The following PLCH2 variants were observed in gnomAD, a reference collection of about 807,000 sequenced individuals.
PLCH2 encodes phospholipase C eta 2, also known as 1-phosphatidylinositol 4,5-bisphosphate phosphodiesterase eta-2.
A neutral mutation model predicts 134.7 loss-of-function variants in PLCH2; 98 were observed. That is an observed-to-expected ratio of 0.73 (90% CI 0.62 to 0.86). The LOEUF (loss-of-function observed/expected upper bound fraction) is 0.86, where lower values mean the gene tolerates loss of function less well. PLCH2 is among the 40% of genes least tolerant of loss of function. The pLI, the probability that PLCH2 is intolerant of heterozygous loss-of-function variation, is 0.00. For missense variants in PLCH2, 1,994 were observed against 1,986.6 expected, an observed-to-expected ratio of 1.00 and a Z score of -0.07; for synonymous variants, 974 against 827.5, an observed-to-expected ratio of 1.18 and a Z score of -3.04.
At chr1:2,481,441 G>A (rs543552728) in intron 4 of PLCH2, among the ~76,000 whole-genome samples, 2 of 152,274 alleles carry the variant, frequency 1.3e-5, no homozygotes, top group African/African-American at 2.4e-5. Context: ...CTCAGGGGCA[G>A]CTCTGGGGCC....
chr1:2,426,334 G>A (rs566863632), intron 1 of PLCH2, among the ~76,000 whole-genome samples: 1 of 152,350 alleles, frequency 6.6e-6, no homozygotes, highest in East Asian at 1.9e-4. Context: ...CAAGCACCCC[G>A]TTCTGATCTT....
At chr1:2,484,201 G>T (rs1252794929) in intron 4 of PLCH2, among the ~76,000 whole-genome samples, 1 of 152,128 alleles carries the variant, frequency 6.6e-6, no homozygotes, top group Non-Finnish European at 1.5e-5. Context: ...GGAGGTGGCT[G>T]TGGGTTGAAG....
At chr1:2,503,749 C>T (rs1033934626) in intron 21 of PLCH2, 173 bp from the exon 22 acceptor site, 5 of 617,228 alleles carry the variant, frequency 8.1e-6, no homozygotes, top group African/African-American at 1.8e-5. Context: ...GTGGGGACAC[C>T]GAGTGTGCCG....
At chr1:2,469,918 G>C (rs1366846303) in intron 1 of PLCH2, among the ~76,000 whole-genome samples, 1 of 152,214 alleles carries the variant, frequency 6.6e-6, no homozygotes, top group Non-Finnish European at 1.5e-5. Context: ...CCCGAGAGGG[G>C]GCCTTGTGGC....
At chr1:2,425,095 G>A (rs1263283206), upstream of PLCH2, among the ~76,000 whole-genome samples, 10 of 151,698 alleles carry the variant, frequency 6.6e-5, no homozygotes, top group African/African-American at 1.9e-4. Context: ...CCCAGGAGGC[G>A]GAGGCTGCAG....
intron 1 of PLCH2, among the ~76,000 whole-genome samples, chr1:2,428,341 C>T (rs1277974658): frequency 1.3e-5 from 2 of 152,232 alleles, no homozygotes; most frequent in Admixed American, 1.3e-4. Flanking sequence ...GCCAGTGCTC[C>T]TCTGACCTGT....
intron 1 of PLCH2, among the ~76,000 whole-genome samples, chr1:2,469,113 G>A (rs1425316207): frequency 1.6e-4 from 24 of 152,194 alleles, no homozygotes. Context: ...CCATCCCAGG[G>A]CTCTCCTGGG....
chr1:2,444,288 C>T lies in PLCH2; in HGVS notation c.115+13659C>T, dbSNP rs779446843. 7.9e-5 allele frequency among the ~76,000 whole-genome samples: 12 copies of T among 152,246 alleles called. No homozygotes were observed. The highest frequency in any genetic ancestry group is 1.5e-4 in the Non-Finnish European group (10 of 68,038). ...GTGACCGTGCTGAGAATGACCCCTG[C>T]TGAGCCCAGGCCGGGCACCCCGATC... On this transcript the variant is annotated intron_variant, in intron 2 of 3. Transcript: ENST00000609981. The surrounding 1 kb of genome is among the most constrained non-coding windows in gnomAD (Gnocchi z 4.6).
At chr1:2,422,657 G>T (rs1218023006), upstream of PLCH2, among the ~76,000 whole-genome samples, 1 of 152,088 alleles carries the variant, frequency 6.6e-6, no homozygotes, top group Non-Finnish European at 1.5e-5. Flanking sequence ...ATCATCTGTT[G>T]GTCTGTTTTT....
chr1:2,451,653 G>T (rs79970356), intron 2 of PLCH2, among the ~76,000 whole-genome samples: 28,902 of 152,156 alleles, frequency 0.19, 3,252 homozygotes, highest in East Asian at 0.3. Context: ...CCCTCAGAGG[G>T]TCAGCCACCG....
At chr1:2,482,892 GGA>G (rs1484286624) in intron 4 of PLCH2, among the ~76,000 whole-genome samples, 1 of 152,218 alleles carries the variant, frequency 6.6e-6, no homozygotes, top group Non-Finnish European at 1.5e-5. Flanking sequence ...CTGTGGACCA[GGA>G]CATTAAGCTG....
At chr1:2,477,880 C>T (rs1488893090) in intron 1 of PLCH2, among the ~76,000 whole-genome samples, 1 of 152,226 alleles carries the variant, frequency 6.6e-6, no homozygotes, top group Non-Finnish European at 1.5e-5. Flanking sequence ...GGCAGGGGCA[C>T]AGGCACTCAG....
At chr1:2,500,354 A>C in intron 20 of PLCH2, 1 of 152,706 alleles carries the variant, frequency 6.5e-6, no homozygotes, top group Non-Finnish European at 1.5e-5. Context: ...CCCAGTGCTG[A>C]CTCTCTCCTG....
rs1642937435 is a variant in PLCH2, at chr1:2,497,105, T to C, written c.2116+95T>C. 2.4e-6 allele frequency: 3 copies of C among 1,259,642 alleles called. No individual in the cohort carries two copies. The African/African-American group carries it at 4.5e-5, about 19-fold the overall frequency. The allele number at this position is 1,259,642 out of a possible 1,614,324, so 78.0% of individuals were successfully genotyped here. On this transcript the variant is annotated intron_variant, in intron 15 of 21. Coordinates refer to ENST00000378486, the MANE Select transcript of PLCH2 (RefSeq NM_014638.4). ...GGCGAGCAGGGGACCCGCTGGGGCC[T>C]CGGTTCTGTCCTGGGCTCTATTGCC...
chr1:2,494,823 C>G (rs763708349), intron 11 of PLCH2, 33 bp from the exon 12 acceptor site: 1 of 1,494,102 alleles, frequency 6.7e-7, no homozygotes, highest in East Asian at 2.3e-5. Context: ...CAAGGCTAGA[C>G]TCACCTTGTC....
chr1:2,441,334 G>A (rs1056605523), intron 2 of PLCH2, among the ~76,000 whole-genome samples: 4 of 152,218 alleles, frequency 2.6e-5, no homozygotes, highest in Non-Finnish European at 5.9e-5. Flanking sequence ...GTCGCATCCG[G>A]CCTGGGTTTG....
chr1:2,460,502 C>G (rs1001005756), intron 2 of PLCH2, among the ~76,000 whole-genome samples: 2 of 152,282 alleles, frequency 1.3e-5, no homozygotes, highest in Admixed American at 6.5e-5. Context: ...TGGGCTCCCT[C>G]TGGCCTGAGA....
At chr1:2,437,933 C>G (rs1458350636) in intron 2 of PLCH2, among the ~76,000 whole-genome samples, 1 of 152,252 alleles carries the variant, frequency 6.6e-6, no homozygotes, top group African/African-American at 2.4e-5. Context: ...CCTCTTTGGC[C>G]TCGAAGGCCT....
chr1:2,437,164 A>C (rs1639461466), intron 2 of PLCH2, among the ~76,000 whole-genome samples: 1 of 152,314 alleles, frequency 6.6e-6, no homozygotes, highest in South Asian at 2.1e-4. Context: ...AGGCCACAGC[A>C]GGTCCCCGGG....
Sources: gnomAD v4.1 joint callset for allele counts (sites outside exome capture counted in the v4.1 genomes callset) on GRCh38, gnomAD v4.1.1 for gene constraint, Gnocchi (gnomAD v3.1) non-coding constraint, MANE v1.5 for transcripts, NCBI Gene and HGNC (gene_info 2026-07-23, HGNC 2026-07-21) for gene names.